PCDH15: variants seen among roughly 807,000 people sequenced by gnomAD.
PCDH15 encodes the protein protocadherin-15.
A neutral mutation model predicts 178.5 loss-of-function variants in PCDH15; 129 were observed. That is an observed-to-expected ratio of 0.72 (90% CI 0.63 to 0.84). The LOEUF (loss-of-function observed/expected upper bound fraction) is 0.84. Among genes scored for constraint, PCDH15 ranks in the 40% least tolerant of loss-of-function variants. The probability of loss-of-function intolerance (pLI) is 0.00; values close to 1 mark genes in which losing one functional copy is unlikely to be tolerated. For missense variants in PCDH15, 2,230 were observed against 2,099.9 expected, an observed-to-expected ratio of 1.06 and a Z score of -1.21; for synonymous variants, 800 against 732.0, an observed-to-expected ratio of 1.09 and a Z score of -1.50.
At chr10:55,507,976 T>G (rs1019119948) in intron 2 of PCDH15, among the ~76,000 whole-genome samples, 2 of 151,722 alleles carry the variant, frequency 1.3e-5, no homozygotes, top group African/African-American at 4.8e-5. Context: ...AACTGAGGTA[T>G]AATATCAGAA....
chr10:54,512,897 T>C (rs2081849277), intron 3 of PCDH15, among the ~76,000 whole-genome samples: 1 of 152,026 alleles, frequency 6.6e-6, no homozygotes, highest in South Asian at 2.1e-4. Flanking sequence ...GATTTTACCA[T>C]CAAAAGTTAA....
intron 3 of PCDH15, among the ~76,000 whole-genome samples, chr10:54,502,921 C>T (rs1589749848): frequency 6.6e-6 from 1 of 151,930 alleles, no homozygotes; most frequent in South Asian, 2.1e-4. Context: ...ATTATAAGCT[C>T]ACAATAAGTA....
Position 53,952,731 on chromosome 10 carries a change from C to T in PCDH15, c.3122+7001G>A, listed in dbSNP as rs185128083. Among the ~76,000 whole-genome samples, 17 of 152,346 alleles carry T rather than the reference C, an allele frequency of 1.1e-4. No homozygotes were observed. The East Asian group carries it at 3.3e-3, about 29-fold the overall frequency. ...CCAGGCTGTTTGTGCCCAAGAGGTTCCTGCAGGCCCGCTCCAGGCCACCCC... is the reference window on the plus strand; with the variant it reads ...CCAGGCTGTTTGTGCCCAAGAGGTTTCTGCAGGCCCGCTCCAGGCCACCCC... On this transcript the variant is annotated intron_variant, in intron 23 of 37. Coordinates refer to ENST00000644397, the MANE Select transcript of PCDH15 (RefSeq NM_001384140.1).
chr10:54,066,939 T>G (rs1004341207), intron 17 of PCDH15, 54 bp from the exon 18 acceptor site: 1 of 1,555,376 alleles, frequency 6.4e-7, no homozygotes, highest in African/African-American at 1.4e-5. Flanking sequence ...TACTTAGAAT[T>G]CATTTAAGTA....
chr10:55,335,847 T>A (rs1239276812), intron 2 of PCDH15, among the ~76,000 whole-genome samples: 1 of 152,184 alleles, frequency 6.6e-6, no homozygotes, highest in African/African-American at 2.4e-5. Flanking sequence ...AAATGTTATA[T>A]GATTAAGTAT....
chr10:55,202,902 G>T (rs188960576), intron 1 of PCDH15, among the ~76,000 whole-genome samples: 1 of 152,184 alleles, frequency 6.6e-6, no homozygotes, highest in Non-Finnish European at 1.5e-5. Flanking sequence ...GTTTCCTAAG[G>T]CCTCCCAGGC....
chr10:55,451,294 C>T (rs1276881216), intron 2 of PCDH15, among the ~76,000 whole-genome samples: 1 of 151,806 alleles, frequency 6.6e-6, no homozygotes. Flanking sequence ...GTCAGGAGAT[C>T]GAGGCCATCC....
At position 54,664,079 on chromosome 10, in the gene PCDH15, T is replaced by C. The variant is rs2094532414; in HGVS notation, c.91+93A>G. 12 of 966,966 alleles carry C rather than the reference T, an allele frequency of 1.2e-5. 1 individual carries two copies. Among genetic ancestry groups the C allele is most frequent in the Non-Finnish European group, 1.8e-5 (11 of 617,410 alleles). The allele number at this position is 966,966 out of a possible 1,614,324, so 59.9% of individuals were successfully genotyped here. ...AGATACTAACCTTTCAATCATAAACTACAAATTAGCATTATTCATCTCTGT... is the reference window on the plus strand; with the variant it reads ...AGATACTAACCTTTCAATCATAAACCACAAATTAGCATTATTCATCTCTGT... On this transcript the variant is annotated intron_variant, in intron 2 of 37. Coordinates refer to ENST00000644397, the MANE Select transcript of PCDH15 (RefSeq NM_001384140.1).
intron 13 of PCDH15, among the ~76,000 whole-genome samples, chr10:54,174,925 C>T (rs754582624): frequency 1.3e-5 from 2 of 151,760 alleles, no homozygotes; most frequent in Non-Finnish European, 2.9e-5. Flanking sequence ...AGTGAATAAC[C>T]TGTATAAGTT....
At chr10:55,483,394 G>A (rs191835104) in intron 2 of PCDH15, among the ~76,000 whole-genome samples, 26 of 151,718 alleles carry the variant, frequency 1.7e-4, no homozygotes, top group Admixed American at 3.3e-4. Flanking sequence ...GTTTATTAGA[G>A]AAACACAAAT....
chr10:54,018,019 G>C (rs1320875718), intron 20 of PCDH15, among the ~76,000 whole-genome samples: 2 of 152,046 alleles, frequency 1.3e-5, no homozygotes, highest in African/African-American at 4.8e-5. Flanking sequence ...CTAGCATATG[G>C]CTAGCTATTT....
chr10:54,869,126 A>T (rs1480639783), intron 3 of PCDH15: 1 of 152,190 alleles, frequency 6.6e-6, no homozygotes, highest in Non-Finnish European at 1.5e-5. Flanking sequence ...TAGTGGATTC[A>T]TGTGAAACCA....
intron 3 of PCDH15, among the ~76,000 whole-genome samples, chr10:54,501,496 AAACC>A (rs1235090752): frequency 2.0e-5 from 3 of 152,134 alleles, no homozygotes; most frequent in African/African-American, 7.2e-5. Context: ...CCACAGTGTT[AAACC>A]AACAACTTTG....
At chr10:55,176,008 T>G (rs1839474692) in intron 1 of PCDH15, among the ~76,000 whole-genome samples, 2 of 152,036 alleles carry the variant, frequency 1.3e-5, no homozygotes, top group African/African-American at 4.8e-5. Flanking sequence ...CGGGTACAGA[T>G]AGTCTCCCAA....
intron 16 of PCDH15, among the ~76,000 whole-genome samples, chr10:54,089,466 T>C (rs1160014900): frequency 6.6e-6 from 1 of 152,216 alleles, no homozygotes; most frequent in Admixed American, 6.5e-5. Flanking sequence ...TCAATAGTTA[T>C]CATTAGCAAT....
chr10:53,809,380 G>C (rs745485229), intron 37 of PCDH15: 1 of 1,613,780 alleles, frequency 6.2e-7, no homozygotes, highest in African/African-American at 1.3e-5. Flanking sequence ...TCTTTTATCA[G>C]CTAATCCTCT....
At chr10:55,374,727 A>C (rs1023602277) in intron 2 of PCDH15, among the ~76,000 whole-genome samples, 1 of 152,106 alleles carries the variant, frequency 6.6e-6, no homozygotes, top group South Asian at 2.1e-4. Context: ...TTTAATATTT[A>C]CTTTTTATTT....
intron 2 of PCDH15, among the ~76,000 whole-genome samples, chr10:54,659,227 A>G (rs1260403460): frequency 1.3e-5 from 2 of 152,140 alleles, no homozygotes; most frequent in Non-Finnish European, 1.5e-5. Context: ...ATCAAGGCAA[A>G]AGAAAACCAA....
chr10:53,977,040 G>A (rs1206113307), intron 21 of PCDH15, among the ~76,000 whole-genome samples: 3 of 151,568 alleles, frequency 2.0e-5, no homozygotes, highest in African/African-American at 7.3e-5. Flanking sequence ...CCTAATTCCT[G>A]TTTTCCTGCA....
Sources: allele counts gnomAD v4.1 joint callset (sites outside exome capture counted in the v4.1 genomes callset), GRCh38; gene constraint gnomAD v4.1.1; transcripts MANE v1.5; gene names NCBI Gene and HGNC (gene_info 2026-07-23, HGNC 2026-07-21).